The following CAPN14 variants were observed in gnomAD, a reference collection of about 807,000 sequenced individuals.
CAPN14 encodes calpain 14, also known as calpain-14.
A neutral mutation model predicts 101.3 loss-of-function variants in CAPN14; 94 were observed. The ratio of observed to expected loss-of-function variants is 0.93; its 90% CI spans 0.79 to 1.10. The LOEUF (loss-of-function observed/expected upper bound fraction) is 1.10. Among genes scored for constraint, CAPN14 ranks in the 50% least tolerant of loss-of-function variants. The probability of loss-of-function intolerance (pLI) is 0.00; values close to 1 mark genes in which losing one functional copy is unlikely to be tolerated. For missense variants in CAPN14, 837 were observed against 828.4 expected, an observed-to-expected ratio of 1.01 and a Z score of -0.13; for synonymous variants, 338 against 317.9, an observed-to-expected ratio of 1.06 and a Z score of -0.67.
intron 1 of CAPN14, among the ~76,000 whole-genome samples, chr2:31,227,851 T>C (rs1364216940): frequency 1.3e-5 from 2 of 152,128 alleles, no homozygotes; most frequent in African/African-American, 4.8e-5. Context: ...TATAGTAACA[T>C]GTGATGAATG....
At position 31,202,206 on chromosome 2, in the gene CAPN14, C is replaced by A. The variant is rs372507048; in HGVS notation, c.342G>T (p.Gln114His). The change falls in exon 4 of 22, where the codon CAG becomes CAT. Residue 114 changes from glutamine (Q) to histidine (H), a missense_variant. Physicochemically the swap from Gln to His is conservative, Grantham distance 24. Coordinates refer to ENST00000403897, the MANE Select transcript of CAPN14 (RefSeq NM_001145122.2). ...LAALQALALH[Q>H]DILSRVVPLN... is the part of the protein sequence containing the mutation. ...GGGGAACAACCCGGCTCAGGATGTC[C>A]TGGTGCAAGGCCAGAGCTTGCAAAG... 6.4e-7 allele frequency: 1 copy of A among 1,551,664 alleles called. No homozygotes were observed. Among genetic ancestry groups the A allele is most frequent in the South Asian group, 1.2e-5 (1 of 84,068 alleles).
chr2:31,228,794 A>C (rs1200411521), intron 1 of CAPN14, among the ~76,000 whole-genome samples: 1 of 152,178 alleles, frequency 6.6e-6, no homozygotes, highest in African/African-American at 2.4e-5. Context: ...TTTATTTCAG[A>C]GACCAGGGTG....
intron 7 of CAPN14, 70 bp from the exon 8 acceptor site, chr2:31,197,404 C>G (rs755366809): frequency 1.4e-4 from 155 of 1,096,414 alleles, no homozygotes; most frequent in Non-Finnish European, 2.0e-4. Flanking sequence ...GAGTGAGACT[C>G]GGGCCTGGAG....
Position 31,177,765 on chromosome 2 carries a change from G to C in CAPN14, c.1836C>G (p.His612Gln). ...GSGYLNWEQLHAAMREAGIML... is the reference protein window; with the variant it reads ...GSGYLNWEQLQAAMREAGIML... ...GCCTACCTGCCTCCCTCATGGCAGC[G>C]TGCAGCTGCTCCCAGTTCAGGTATC... Residue 612 changes from histidine (H) to glutamine (Q), a missense_variant, in exon 19 of 22, where the codon CAC (histidine) becomes CAG (glutamine). Physicochemically the swap from His to Gln is conservative, Grantham distance 24 (BLOSUM62 0). Transcript: ENST00000403897. 1 of 1,551,786 alleles carries C rather than the reference G, an allele frequency of 6.4e-7. No homozygotes were observed. The highest frequency in any genetic ancestry group is 8.7e-7 in the Non-Finnish European group (1 of 1,146,878).
chr2:31,177,228 C>A, intron 19 of CAPN14, 86 bp from the exon 20 acceptor site: 1 of 810,604 alleles, frequency 1.2e-6, no homozygotes, highest in Non-Finnish European at 2.0e-6. Context: ...AATGTCCCTC[C>A]AGTTTAGGGA....
rs1362065952 is a variant in CAPN14 at position 31,197,248 on chromosome 2, C to T, written c.875+1G>A. The T allele has an allele frequency of 6.5e-7, 1 of 1,549,250 alleles. No individual in the cohort carries two copies. Among genetic ancestry groups the T allele is most frequent in the Non-Finnish European group, 8.7e-7 (1 of 1,144,412 alleles). On this transcript the variant is annotated splice_donor_variant, in intron 8 of 21. Transcript: ENST00000403897. LOFTEE classifies it high-confidence loss of function. Reference sequence around the variant, plus strand: ...CCCTCCAAGATGTCCCCAAAGTTCACCTGTCACTCCAGTCTCCTTTCCATT... The same window carrying T: ...CCCTCCAAGATGTCCCCAAAGTTCATCTGTCACTCCAGTCTCCTTTCCATT...
chr2:31,206,340 A>G (rs990049121), intron 1 of CAPN14, among the ~76,000 whole-genome samples: 2 of 152,174 alleles, frequency 1.3e-5, no homozygotes, highest in African/African-American at 4.8e-5. Flanking sequence ...GGGCGGTCAC[A>G]GGCTCTGGCA....
At chr2:31,195,591 C>A (rs995316788) in intron 8 of CAPN14, among the ~76,000 whole-genome samples, 1 of 152,166 alleles carries the variant, frequency 6.6e-6, no homozygotes, top group Non-Finnish European at 1.5e-5. Context: ...CCTTCCTCGA[C>A]CTCCCAAAGT....
In CAPN14 at chr2:31,181,390, CTTTCTTTTTTTCTTTCTT is replaced by C. The variant is rs1297901499; in HGVS notation, c.1646-408_1646-391del. Among the ~76,000 whole-genome samples the C allele has an allele frequency of 7.6e-4, 104 of 136,166 alleles. 1 individual carries two copies. Among genetic ancestry groups the C allele is most frequent in the African/African-American group, 2.1e-3 (74 of 34,730 alleles). The allele number at this position is 136,166 out of a possible 152,430, so 89.3% of individuals were successfully genotyped here. On this transcript the variant is annotated intron_variant, in intron 16 of 21. Coordinates refer to ENST00000403897, the MANE Select transcript of CAPN14 (RefSeq NM_001145122.2). ...AGGTTTCTTTCTCTTTTCTTTTTTTCTTTCTTTTTTTCTTTCTTTCTTTCTTTCTTTCTTTCTTTCTTT... is the reference window on the plus strand; with the variant it reads ...AGGTTTCTTTCTCTTTTCTTTTTTTCTCTTTCTTTCTTTCTTTCTTTCTTT...
rs1291500638 is a variant in CAPN14 at position 31,177,732 on chromosome 2, C to T, written c.1855+14G>A. On this transcript the variant is annotated intron_variant, in intron 19 of 21. Transcript: ENST00000403897. The stretch of plus-strand genomic sequence containing the variant: ...CCCGTGTGTGCCCACAGCTCCAGCT[C>T]TTCCTGTGCCTACCTGCCTCCCTCA... The T allele has an allele frequency of 9.7e-6, 15 of 1,548,642 alleles. No homozygotes were observed. In the South Asian group the frequency reaches 1.8e-4, roughly 18 times the overall value.
intron 1 of CAPN14, among the ~76,000 whole-genome samples, chr2:31,208,560 G>T (rs777997993): frequency 1.7e-4 from 26 of 152,284 alleles, no homozygotes; most frequent in Middle Eastern, 6.8e-3. Flanking sequence ...TTAGAATGAG[G>T]CCACATGTGT....
At position 31,179,060 on chromosome 2, in the gene CAPN14, CTATATATATATATATA is replaced by C. The variant is rs60701103; in HGVS notation, c.1711-497_1711-482del. On this transcript the variant is annotated intron_variant, in intron 17 of 21. Coordinates refer to ENST00000403897, the MANE Select transcript of CAPN14 (RefSeq NM_001145122.2). ...TCTTCTTAACATCCTTTATTGAGTT[CTATATATATATATATA>C]TATATATATATATATACTTTAAGTT... Among the ~76,000 whole-genome samples, 7 of 69,216 alleles carry C rather than the reference CTATATATATATATATA, an allele frequency of 1.0e-4. No individual in the cohort carries two copies. The East Asian group carries it at 1.3e-3, about 13-fold the overall frequency. The allele number at this position is 69,216 out of a possible 152,430, so 45.4% of individuals were successfully genotyped here.
chr2:31,187,345 C>T (rs899925585), intron 15 of CAPN14, among the ~76,000 whole-genome samples: 10 of 152,072 alleles, frequency 6.6e-5, no homozygotes, highest in East Asian at 1.9e-4. Flanking sequence ...CAGGTGACCA[C>T]TCATGGGCCC....
At position 31,173,420 on chromosome 2, in the gene CAPN14, T is replaced by G. The variant is rs1006432520; in HGVS notation, c.*1261A>C. 1.3e-4 allele frequency: 20 copies of G among 152,218 alleles called. No homozygotes were observed. The highest frequency in any genetic ancestry group is 4.8e-4 in the African/African-American group (20 of 41,450). 9.4% of individuals were successfully genotyped at this position (152,218 alleles called of 1,614,324 possible). A position where few individuals can be genotyped will look rare whatever the true frequency, so the allele number is the denominator to read the frequency against. ...CTCTTCATTCAGCTTCCTTCCTGAG[T>G]CTGCTATGGAGTTGGAAATCAAACA... On this transcript the variant is annotated 3_prime_UTR_variant, in exon 22 of 22. Transcript: ENST00000403897.
At chr2:31,193,420 T>TGCACAAGAGCTGG in intron 9 of CAPN14, 126 bp from the exon 10 acceptor site, 1 of 947,776 alleles carries the variant, frequency 1.1e-6, no homozygotes, top group Non-Finnish European at 1.6e-6. Context: ...ACACCAGCTC[T>TGCACAAGAGCTGG]TGTGCAGAGC....
intron 16 of CAPN14, among the ~76,000 whole-genome samples, chr2:31,182,196 G>C (rs1680679887): frequency 6.6e-6 from 1 of 151,410 alleles, no homozygotes; most frequent in African/African-American, 2.4e-5. Flanking sequence ...AAAATAATAA[G>C]AGCTATCTAT....
At position 31,231,368 on chromosome 2, in the gene CAPN14, T is replaced by C. The variant is rs1039018547; in HGVS notation, c.-177+2423A>G. ...CAAGGAATCCTTCCACAATGGAACA[T>C]GGCATGTCTCTCCCATTTACTTAGA... On this transcript the variant is annotated intron_variant and NMD_transcript_variant, in intron 1 of 21. Coordinates refer to the CAPN14 transcript ENST00000398824. Among the ~76,000 whole-genome samples the C allele has an allele frequency of 3.3e-5, 5 of 152,248 alleles. 1 individual carries two copies. Among genetic ancestry groups the C allele is most frequent in the Admixed American group, 2.6e-4 (4 of 15,288 alleles).
chr2:31,182,886 T>C, intron 16 of CAPN14, among the ~76,000 whole-genome samples: 2 of 150,482 alleles, frequency 1.3e-5, no homozygotes, highest in Admixed American at 6.6e-5. Flanking sequence ...AAGTCAATCC[T>C]AAGCCAAAAG....
chr2:31,219,603 CAG>C (rs905534211), upstream of CAPN14, among the ~76,000 whole-genome samples: 24 of 152,304 alleles, frequency 1.6e-4, no homozygotes, highest in African/African-American at 5.1e-4. Flanking sequence ...AGCTCAGGAG[CAG>C]TAGAACCGGA....
Sources: allele counts gnomAD v4.1 joint callset (sites outside exome capture counted in the v4.1 genomes callset), GRCh38; gene constraint gnomAD v4.1.1; transcripts MANE v1.5; gene names NCBI Gene and HGNC (gene_info 2026-07-23, HGNC 2026-07-21).